SLC35F4: variants seen among roughly 807,000 people sequenced by gnomAD.
SLC35F4 encodes the protein chromosome 14 open reading frame 36.
SLC35F4 carries 24 observed loss-of-function variants against 44.2 expected under a neutral mutation model. The observed-to-expected ratio is 0.54, with a 90% CI of 0.39 to 0.76. The LOEUF is 0.76. SLC35F4 is among the 30% of genes least tolerant of loss of function. The pLI is 0.00. For missense variants in SLC35F4, 562 were observed against 586.1 expected (o/e 0.96, Z 0.42); for synonymous variants, 238 against 223.6 (o/e 1.06, Z -0.57).
intron 1 of SLC35F4, among the ~76,000 whole-genome samples, chr14:57,779,220 T>C (rs1452427773): frequency 1.3e-5 from 2 of 151,952 alleles, no homozygotes; most frequent in Non-Finnish European, 2.9e-5. Flanking sequence ...AAAAAATTCA[T>C]AAACTAGACA....
intron 1 of SLC35F4, among the ~76,000 whole-genome samples, chr14:57,765,277 T>C (rs980197167): frequency 6.6e-6 from 1 of 152,216 alleles, no homozygotes. Context: ...AGAGATTAGA[T>C]GCTCGTGCTG....
At chr14:57,915,613 C>T (rs1404752457) in intron 1 of SLC35F4, among the ~76,000 whole-genome samples, 1 of 152,158 alleles carries the variant, frequency 6.6e-6, no homozygotes, top group Non-Finnish European at 1.5e-5. Context: ...TTAAATTCTA[C>T]CTTCCATAAA....
chr14:57,625,577 A>T (rs1215449300), intron 1 of SLC35F4, among the ~76,000 whole-genome samples: 2 of 152,210 alleles, frequency 1.3e-5, no homozygotes, highest in African/African-American at 4.8e-5. Flanking sequence ...GAAACCAAAC[A>T]GCATGGTACT....
upstream of SLC35F4, among the ~76,000 whole-genome samples, chr14:57,866,771 G>GA (rs1888172812): frequency 6.6e-6 from 1 of 152,046 alleles, no homozygotes; most frequent in Non-Finnish European, 1.5e-5. Flanking sequence ...CTGGACGAGT[G>GA]AAAGTCTTAG....
At chr14:57,660,915 TTTG>T (rs1268260592) in intron 1 of SLC35F4, among the ~76,000 whole-genome samples, 11 of 152,146 alleles carry the variant, frequency 7.2e-5, no homozygotes, top group Admixed American at 4.6e-4. Context: ...ATCGTAAATA[TTTG>T]TTGTTGTAAG....
intron 1 of SLC35F4, among the ~76,000 whole-genome samples, chr14:57,881,357 A>T (rs1255899859): frequency 6.6e-6 from 1 of 152,144 alleles, no homozygotes; most frequent in African/African-American, 2.4e-5. Context: ...ACTTCCCTCT[A>T]CCAGGATTTT....
chr14:57,916,708 T>C (rs1889336207), intron 1 of SLC35F4, among the ~76,000 whole-genome samples: 1 of 152,202 alleles, frequency 6.6e-6, no homozygotes, highest in Non-Finnish European at 1.5e-5. Flanking sequence ...AGTTTTGGAA[T>C]TGGGTACTAG....
At chr14:57,669,820 G>C (rs1313360466) in intron 1 of SLC35F4, among the ~76,000 whole-genome samples, 1 of 152,004 alleles carries the variant, frequency 6.6e-6, no homozygotes, top group South Asian at 2.1e-4. Context: ...GCCAGGCTTT[G>C]GTATCAGGAT....
At chr14:57,969,237 T>C (rs1371280631) in intron 1 of SLC35F4, among the ~76,000 whole-genome samples, 1 of 152,332 alleles carries the variant, frequency 6.6e-6, no homozygotes, top group South Asian at 2.1e-4. Context: ...AGAAAGGTTT[T>C]ACCACAACCT....
chr14:57,718,177 A>G (rs2140425765), intron 1 of SLC35F4, among the ~76,000 whole-genome samples: 1 of 152,328 alleles, frequency 6.6e-6, no homozygotes, highest in Admixed American at 6.5e-5. Context: ...TGGTAGTCTC[A>G]TTCTTTTTTA....
intron 1 of SLC35F4, among the ~76,000 whole-genome samples, chr14:57,717,662 T>C (rs746105046): frequency 2.6e-5 from 4 of 152,198 alleles, no homozygotes; most frequent in Non-Finnish European, 5.9e-5. Flanking sequence ...CTTCACATCA[T>C]TGACAGAATT....
intron 1 of SLC35F4, among the ~76,000 whole-genome samples, chr14:57,850,931 A>G (rs1886502402): frequency 6.6e-6 from 1 of 152,228 alleles, no homozygotes; most frequent in Non-Finnish European, 1.5e-5. Context: ...AAATAATATG[A>G]CATTAATTCA....
At chr14:57,980,556 G>A (rs1594668762) in intron 1 of SLC35F4, among the ~76,000 whole-genome samples, 1 of 152,144 alleles carries the variant, frequency 6.6e-6, no homozygotes, top group Non-Finnish European at 1.5e-5. Context: ...TTTGGTCTTG[G>A]TGGAGAGTGA....
At chr14:57,634,261 G>A (rs750772326) in intron 1 of SLC35F4, among the ~76,000 whole-genome samples, 5 of 152,216 alleles carry the variant, frequency 3.3e-5, no homozygotes, top group Non-Finnish European at 5.9e-5. Context: ...TGATAAGTGC[G>A]GTTGAAGGCA....
intron 1 of SLC35F4, among the ~76,000 whole-genome samples, chr14:57,719,661 T>C (rs1444088132): frequency 6.6e-6 from 1 of 152,160 alleles, no homozygotes; most frequent in African/African-American, 2.4e-5. Context: ...ATGTTAACTT[T>C]GTATCATGCA....
chr14:57,741,296 A>T (rs951806658), intron 1 of SLC35F4, among the ~76,000 whole-genome samples: 11 of 152,220 alleles, frequency 7.2e-5, no homozygotes, highest in Non-Finnish European at 1.5e-4. Flanking sequence ...TCTCCGAGCT[A>T]AAGGAGGATG....
At chr14:57,575,987 C>CTATCT (rs138158516) in intron 4 of SLC35F4, among the ~76,000 whole-genome samples, 1 of 148,760 alleles carries the variant, frequency 6.7e-6, no homozygotes, top group African/African-American at 2.5e-5. Context: ...TTTCTTGTAT[C>CTATCT]TTTTTTTTTT....
chr14:57,861,474 A>C (rs1595241618), intron 1 of SLC35F4, among the ~76,000 whole-genome samples: 1 of 152,298 alleles, frequency 6.6e-6, no homozygotes, highest in African/African-American at 2.4e-5. Flanking sequence ...AAAGAAAGAA[A>C]AACTTTCTTG....
intron 1 of SLC35F4, among the ~76,000 whole-genome samples, chr14:57,620,343 C>T (rs191822337): frequency 4.8e-4 from 73 of 152,258 alleles, no homozygotes; most frequent in African/African-American, 1.7e-3. Context: ...GTGAATCTCT[C>T]GGCAGAAACA....
Sources: allele counts gnomAD v4.1 joint callset (sites outside exome capture counted in the v4.1 genomes callset), GRCh38; gene constraint gnomAD v4.1.1; transcripts MANE v1.5; gene names NCBI Gene and HGNC (gene_info 2026-07-23, HGNC 2026-07-21).